TMEM164: variants seen among roughly 807,000 people sequenced by gnomAD.
TMEM164 encodes the protein RP13-360B22.2.
TMEM164 carries 4 observed loss-of-function variants against 18.8 expected under a neutral mutation model. That is an observed-to-expected ratio of 0.21 (90% CI 0.10 to 0.49). The LOEUF is 0.49. TMEM164 is among the 20% of genes least tolerant of loss of function. The pLI is 0.98. For missense variants in TMEM164, 108 were observed against 239.9 expected, an observed-to-expected ratio of 0.45 and a Z score of 3.63; for synonymous variants, 86 against 101.7, an observed-to-expected ratio of 0.85 and a Z score of 0.93.
intron 3 of TMEM164, among the ~76,000 whole-genome samples, chrX:110,084,839 A>G (rs1483568847): frequency 1.8e-5 from 2 of 109,832 alleles, no homozygotes; most frequent in Non-Finnish European, 3.8e-5. Context: ...CTTCCATACT[A>G]TTAATTTGAT....
chrX:110,055,098 C>G (rs1935756899), intron 2 of TMEM164, among the ~76,000 whole-genome samples: 1 of 111,672 alleles, frequency 9.0e-6, no homozygotes, highest in Admixed American at 9.5e-5. Flanking sequence ...GTCCTGTTCT[C>G]TCTCCACTGC....
At chrX:110,029,950 T>TA (rs749284735) in intron 2 of TMEM164, among the ~76,000 whole-genome samples, 52 of 110,125 alleles carry the variant, frequency 4.7e-4, no homozygotes, top group African/African-American at 9.9e-4. Flanking sequence ...TCTCTTTTTT[T>TA]AAAAAAAACT....
At chrX:110,086,190 T>G (rs765364635) in intron 3 of TMEM164, among the ~76,000 whole-genome samples, 1 of 112,159 alleles carries the variant, frequency 8.9e-6, no homozygotes, top group Non-Finnish European at 1.9e-5. Flanking sequence ...TTTCTATATC[T>G]TGATAGGTAT....
At chrX:110,008,351 A>G (rs1484930660) in intron 2 of TMEM164, among the ~76,000 whole-genome samples, 1 of 111,687 alleles carries the variant, frequency 9.0e-6, no homozygotes, top group Non-Finnish European at 1.9e-5. Flanking sequence ...CACACCAGAC[A>G]CACCTCCTCA....
intron 2 of TMEM164, among the ~76,000 whole-genome samples, chrX:110,021,943 G>C (rs1249672936): frequency 1.8e-5 from 2 of 111,732 alleles, no homozygotes; most frequent in Admixed American, 9.5e-5. Context: ...GGGACTAGAA[G>C]TGGAGATGGA....
chrX:110,083,191 T>C (rs966538485), intron 3 of TMEM164, among the ~76,000 whole-genome samples: 17 of 111,529 alleles, frequency 1.5e-4, no homozygotes, highest in African/African-American at 5.5e-4. Flanking sequence ...AACAATCCAG[T>C]TTTAAAATAG....
intron 3 of TMEM164, among the ~76,000 whole-genome samples, chrX:110,094,883 A>G (rs1160030048): frequency 3.6e-5 from 4 of 111,677 alleles, no homozygotes; most frequent in South Asian, 3.8e-4. Context: ...GGTGGTGACA[A>G]AATCTCTCAG....
chrX:110,070,880 T>A (rs1373879982), intron 3 of TMEM164, among the ~76,000 whole-genome samples: 2 of 112,108 alleles, frequency 1.8e-5, no homozygotes, highest in Non-Finnish European at 3.8e-5. Flanking sequence ...TTTAAAAATA[T>A]CTTATATCTG....
At chrX:110,021,019 G>A (rs1157880933) in intron 2 of TMEM164, among the ~76,000 whole-genome samples, 1 of 99,087 alleles carries the variant, frequency 1.0e-5, no homozygotes, top group Non-Finnish European at 2.0e-5. Context: ...CTTTATATGT[G>A]CATGTTTATG....
intron 2 of TMEM164, among the ~76,000 whole-genome samples, chrX:110,019,861 C>T (rs1373368488): frequency 9.0e-6 from 1 of 111,678 alleles, no homozygotes; most frequent in African/African-American, 3.3e-5. Context: ...TGGTCCCAAC[C>T]TTTTTTTTCA....
At chrX:110,020,614 C>G in intron 2 of TMEM164, 1 of 754,344 alleles carries the variant, frequency 1.3e-6, no homozygotes, top group Non-Finnish European at 1.6e-6. Flanking sequence ...GGAGCTGGTC[C>G]TCTATGTCAT....
At chrX:110,112,457 C>A (rs1476471637) in intron 4 of TMEM164, among the ~76,000 whole-genome samples, 1 of 111,305 alleles carries the variant, frequency 9.0e-6, no homozygotes, top group Non-Finnish European at 1.9e-5. Flanking sequence ...GAGTTCAAGG[C>A]TGTAGTGATT....
intron 4 of TMEM164, among the ~76,000 whole-genome samples, chrX:110,117,623 G>C (rs1042793513): frequency 9.0e-6 from 1 of 111,715 alleles, no homozygotes; most frequent in Non-Finnish European, 1.9e-5. Flanking sequence ...AAAGGAAAAA[G>C]ATTTTTTTAA....
At chrX:110,161,249 A>G (rs766478924) in intron 5 of TMEM164, among the ~76,000 whole-genome samples, 112 of 111,979 alleles carry the variant, frequency 1.0e-3, no homozygotes, top group African/African-American at 3.2e-3. Context: ...TCATGCTGAC[A>G]TCAGTATCCA....
chrX:110,130,803 G>T (rs1212375904), intron 4 of TMEM164, among the ~76,000 whole-genome samples: 2 of 110,875 alleles, frequency 1.8e-5, no homozygotes, highest in Non-Finnish European at 3.8e-5. Context: ...CACATTCTCT[G>T]TGTGTTGGGT....
intron 4 of TMEM164, among the ~76,000 whole-genome samples, chrX:110,143,954 C>T (rs1449030814): frequency 8.9e-6 from 1 of 111,771 alleles, no homozygotes; most frequent in Middle Eastern, 4.6e-3. Flanking sequence ...ATTCTCTGCC[C>T]GCTGCGAAGC....
intron 4 of TMEM164, among the ~76,000 whole-genome samples, chrX:110,123,389 G>T (rs1323192114): frequency 8.9e-6 from 1 of 111,826 alleles, no homozygotes; most frequent in East Asian, 2.8e-4. Flanking sequence ...GTGTGTGTGT[G>T]AATGTTGAAA....
At position 110,050,110 on chromosome X, in the gene TMEM164, C is replaced by T. The variant is rs553568417; in HGVS notation, c.391-17237C>T. On this transcript the variant is annotated intron_variant, in intron 2 of 6. Coordinates refer to ENST00000372068, the MANE Select transcript of TMEM164 (RefSeq NM_032227.4). ...TTGCCCCGTCACTGATTTGCTTGTGCGACCCTTCTTTTATGTCACTCTGAA... is the reference window on the plus strand; with the variant it reads ...TTGCCCCGTCACTGATTTGCTTGTGTGACCCTTCTTTTATGTCACTCTGAA... 8.1e-5 allele frequency among the ~76,000 whole-genome samples: 9 copies of T among 111,738 alleles called. No homozygotes were observed. In the South Asian group the frequency reaches 1.9e-3, roughly 24 times the overall value.
chrX:110,144,665 A>T (rs2066826170), intron 4 of TMEM164, 133 bp from the exon 5 acceptor site: 1 of 381,691 alleles, frequency 2.6e-6, no homozygotes, highest in Middle Eastern at 4.0e-4. Flanking sequence ...TGCAATTGTA[A>T]AGAGAAGTGA....
Sources: gnomAD v4.1 joint callset for allele counts (sites outside exome capture counted in the v4.1 genomes callset) on GRCh38, gnomAD v4.1.1 for gene constraint, MANE v1.5 for transcripts, NCBI Gene and HGNC (gene_info 2026-07-23, HGNC 2026-07-21) for gene names.